TTC7B: variants seen among roughly 807,000 people sequenced by gnomAD.
TTC7B encodes tetratricopeptide repeat domain 7B.
TTC7B carries 28 observed loss-of-function variants against 106.8 expected under a neutral mutation model. The ratio of observed to expected loss-of-function variants is 0.26; its 90% CI spans 0.19 to 0.36. TTC7B has a LOEUF of 0.36. Among genes scored for constraint, TTC7B ranks in the 10% least tolerant of loss-of-function variants. The pLI, the probability that TTC7B is intolerant of heterozygous loss-of-function variation, is 1.00. For missense variants in TTC7B, 862 were observed against 1,076.4 expected (o/e 0.80, Z 2.79); for synonymous variants, 405 against 430.6 (o/e 0.94, Z 0.74).
At chr14:90,664,886 G>A (rs1463081744) in intron 9 of TTC7B, among the ~76,000 whole-genome samples, 4 of 152,194 alleles carry the variant, frequency 2.6e-5, no homozygotes, top group Non-Finnish European at 2.9e-5. Flanking sequence ...TGGCTTTTAT[G>A]AAACAAAGCA....
intron 6 of TTC7B, 57 bp downstream of exon 6, chr14:90,695,443 A>G: frequency 9.8e-7 from 1 of 1,020,734 alleles, no homozygotes; most frequent in Non-Finnish European, 1.4e-6. Context: ...ATATGAATGT[A>G]AATACCTATG....
intron 3 of TTC7B, chr14:90,766,772 A>G (rs574063811): frequency 6.4e-7 from 1 of 1,574,058 alleles, no homozygotes; most frequent in South Asian, 1.1e-5. Flanking sequence ...AAGATCCCAG[A>G]CTGGTTCTTG....
chr14:90,524,643 A>G lies in TTC7B; in HGVS notation c.*16725T>C, dbSNP rs1294549. On this transcript the variant is annotated 3_prime_UTR_variant, in exon 20 of 20. Coordinates refer to ENST00000328459, the MANE Select transcript of TTC7B (RefSeq NM_001010854.2). ...TTCTCCCCACAGCCACCGCCTGCCC[A>G]AAACAGGTCATGCCCCTGGAGTGGC... 0.86 allele frequency: 130,307 copies of G among 152,340 alleles called. 55,998 individuals carry two copies. Among genetic ancestry groups the G allele is most frequent in the South Asian group, 0.93 (4,485 of 4,830 alleles). 9.4% of individuals were successfully genotyped at this position (152,340 alleles called of 1,614,324 possible).
chr14:90,686,432 G>C (rs1020008295), intron 7 of TTC7B, among the ~76,000 whole-genome samples: 2 of 152,164 alleles, frequency 1.3e-5, no homozygotes, highest in African/African-American at 4.8e-5. Flanking sequence ...GGATATCCAT[G>C]CTTGCCACTT....
intron 19 of TTC7B, among the ~76,000 whole-genome samples, chr14:90,557,833 C>T (rs968444371): frequency 1.6e-4 from 24 of 152,200 alleles, no homozygotes; most frequent in African/African-American, 5.1e-4. Context: ...TGGTGACAGA[C>T]GATGGGCTAG....
chr14:90,787,197 A>G (rs967146946), intron 1 of TTC7B, among the ~76,000 whole-genome samples: 5 of 152,242 alleles, frequency 3.3e-5, no homozygotes, highest in African/African-American at 1.2e-4. Flanking sequence ...GAATGCTTGC[A>G]TGAAGCTTTT....
At chr14:90,661,341 C>A (rs1335609243) in intron 9 of TTC7B, among the ~76,000 whole-genome samples, 3 of 152,194 alleles carry the variant, frequency 2.0e-5, no homozygotes, top group Non-Finnish European at 2.9e-5. Flanking sequence ...AGGAAGGTGT[C>A]ACTGTGCCTT....
intron 1 of TTC7B, among the ~76,000 whole-genome samples, chr14:90,809,717 C>T (rs934116582): frequency 6.6e-6 from 1 of 152,262 alleles, no homozygotes; most frequent in Non-Finnish European, 1.5e-5. Context: ...CGAGCCAATT[C>T]AACACAGCAT....
chr14:90,761,671 C>T (rs561891771), intron 3 of TTC7B, among the ~76,000 whole-genome samples: 3 of 152,308 alleles, frequency 2.0e-5, no homozygotes, highest in South Asian at 2.1e-4. Flanking sequence ...ATGCAATGGG[C>T]GATTACACTC....
rs3742658 is a variant in TTC7B at position 90,657,500 on chromosome 14, C to T, written c.1237-222G>A. On this transcript the variant is annotated intron_variant, in intron 10 of 19. Transcript: ENST00000328459. The surrounding 1 kb of genome is among the most constrained non-coding windows in gnomAD (Gnocchi z 4.2). The stretch of plus-strand genomic sequence containing the variant: ...AAAGCCAGCAGGAATGCTTCTCTGG[C>T]GCCACCTGAATTTCATTCCATACTT... 36,644 of 437,576 alleles carry T rather than the reference C, an allele frequency of 0.084. 2,050 individuals are homozygous for T. Among genetic ancestry groups the T allele is most frequent in the Admixed American group, 0.2 (4,950 of 25,066 alleles). 27.1% of individuals were successfully genotyped at this position (437,576 alleles called of 1,614,324 possible). A position where few individuals can be genotyped will look rare whatever the true frequency, so the allele number is the denominator to read the frequency against.
chr14:90,625,388 G>A (rs1266282909), intron 15 of TTC7B, among the ~76,000 whole-genome samples: 1 of 152,184 alleles, frequency 6.6e-6, no homozygotes, highest in Admixed American at 6.5e-5. Context: ...CCATGTGGCT[G>A]GAAGGAAACT....
intron 3 of TTC7B, among the ~76,000 whole-genome samples, chr14:90,754,501 G>A (rs993782307): frequency 6.6e-6 from 1 of 152,068 alleles, no homozygotes; most frequent in South Asian, 2.1e-4. Context: ...TTAGATTTAG[G>A]CAACAGTAGG....
chr14:90,770,126 G>A (rs1415838292), intron 3 of TTC7B, among the ~76,000 whole-genome samples: 2 of 152,206 alleles, frequency 1.3e-5, no homozygotes, highest in African/African-American at 4.8e-5. Context: ...TCCAGCCTGG[G>A]CGACAGAATG....
chr14:90,605,393 A>AAGAGG (rs1368776163), intron 17 of TTC7B, among the ~76,000 whole-genome samples: 1 of 152,216 alleles, frequency 6.6e-6, no homozygotes, highest in Non-Finnish European at 1.5e-5. Flanking sequence ...TTACTTTGCA[A>AAGAGG]AGAGGAAGTT....
At position 90,744,935 on chromosome 14, in the gene TTC7B, T is replaced by G. The variant is rs370101637; in HGVS notation, c.446-13A>C. 52 of 1,611,698 alleles carry G rather than the reference T, an allele frequency of 3.2e-5. No individual in the cohort carries two copies. Among genetic ancestry groups the G allele is most frequent in the Middle Eastern group, 1.8e-4 (1 of 5,546 alleles). On this transcript the variant is annotated splice_polypyrimidine_tract_variant and intron_variant, in intron 3 of 19. Transcript: ENST00000328459. ...TCCAAACAAAGTCCTTAAAAAAATA[T>G]CAGACACAAAAACTGAGTGAATTTT...
chr14:90,789,850 C>T lies in TTC7B; in HGVS notation c.122-3522G>A, dbSNP rs190054623. ...GGTGGAGCTTGCAGTAAGCGGAGAT[C>T]GCGCCACTGCACTGCAGCCTGGGCA... On this transcript the variant is annotated intron_variant, in intron 1 of 19. Transcript: ENST00000328459. Among the ~76,000 whole-genome samples, 553 of 150,700 alleles carry T rather than the reference C, an allele frequency of 3.7e-3. 8 individuals carry two copies. Among genetic ancestry groups the T allele is most frequent in the African/African-American group, 0.013 (526 of 40,878 alleles).
rs895034423 is a variant in TTC7B, at chr14:90,808,314, G to C, written c.121+7861C>G. Among the ~76,000 whole-genome samples, 4 of 152,192 alleles carry C rather than the reference G, an allele frequency of 2.6e-5. No homozygotes were observed. The highest frequency in any genetic ancestry group is 4.8e-5 in the African/African-American group (2 of 41,448). The stretch of plus-strand genomic sequence containing the variant: ...ATGAAGAGAGAGAGAGAGAAAGACA[G>C]AGAGAGACCCAAGAAATGCAGTTCA... On this transcript the variant is annotated intron_variant, in intron 1 of 19. Transcript: ENST00000328459. The surrounding 1 kb of genome is among the most constrained non-coding windows in gnomAD (Gnocchi z 4.2).
chr14:90,550,192 A>T (rs1375373110), intron 19 of TTC7B, among the ~76,000 whole-genome samples: 2 of 152,166 alleles, frequency 1.3e-5, no homozygotes. Flanking sequence ...CACAGGTTGC[A>T]ACTGCAGCTT....
At chr14:90,666,444 A>C (rs1886414275) in intron 9 of TTC7B, among the ~76,000 whole-genome samples, 1 of 152,214 alleles carries the variant, frequency 6.6e-6, no homozygotes, top group African/African-American at 2.4e-5. Flanking sequence ...TACAGGTGTG[A>C]GCCACCACAC....
Sources: allele counts gnomAD v4.1 joint callset (sites outside exome capture counted in the v4.1 genomes callset), GRCh38; gene constraint gnomAD v4.1.1; non-coding constraint Gnocchi (gnomAD v3.1); transcripts MANE v1.5; gene names NCBI Gene and HGNC (gene_info 2026-07-23, HGNC 2026-07-21).